Variants in RBMX observed in about 807,000 individuals in gnomAD.
RBMX encodes RNA binding motif protein X-linked, also known as RNA-binding motif protein, X chromosome.
In RBMX, 1 loss-of-function variant was observed where a neutral mutation model predicts 29.3. The ratio of observed to expected loss-of-function variants is 0.03; its 90% confidence interval spans 0.01 to 0.16. The LOEUF is 0.16. RBMX is among the 10% of genes least tolerant of loss of function. The pLI is 1.00. For synonymous variants in RBMX, 102 were observed against 102.3 expected, an observed-to-expected ratio of 1.00 and a Z score of 0.02; for missense variants, 121 against 333.2, an observed-to-expected ratio of 0.36 and a Z score of 4.96.
chrX:136,880,080 C>T (rs1268809593), intron 1 of RBMX, among the ~76,000 whole-genome samples: 1 of 112,375 alleles, frequency 8.9e-6, no homozygotes, highest in Non-Finnish European at 1.9e-5. Flanking sequence ...CACTCCGTGA[C>T]TGCAGCGGAA....
At chrX:136,878,788 C>T (rs1197463966) in intron 3 of RBMX, among the ~76,000 whole-genome samples, 2 of 106,558 alleles carry the variant, frequency 1.9e-5, no homozygotes, top group African/African-American at 3.4e-5. Context: ...CATAATTATT[C>T]TGAACTGAGA....
chrX:136,876,018 C>A (rs2077724150), intron 5 of RBMX, among the ~76,000 whole-genome samples: 1 of 110,272 alleles, frequency 9.1e-6, no homozygotes, highest in South Asian at 3.9e-4. Context: ...GCCAGACTGG[C>A]CTCGAACTCC....
downstream of RBMX, chrX:136,872,131 T>G (rs2077689055): frequency 2.0e-6 from 1 of 490,977 alleles, no homozygotes; most frequent in African/African-American, 2.4e-5. Flanking sequence ...ATTAAAGCAC[T>G]TAACTTCATC....
chrX:136,878,601 C>CG (rs1174020194), intron 3 of RBMX, among the ~76,000 whole-genome samples: 5 of 73,753 alleles, frequency 6.8e-5, no homozygotes, highest in Middle Eastern at 0.014. Context: ...CAAAGTTAGC[C>CG]GGGCGTGGTC....
Position 136,875,272 on chromosome X carries a change from T to C in RBMX, c.768A>G (p.Pro256=), listed in dbSNP as rs368183974. 1.7e-6 allele frequency: 2 copies of C among 1,211,756 alleles called. No individual in the cohort carries two copies. Among genetic ancestry groups the C allele is most frequent in the Admixed American group, 2.2e-5 (1 of 46,019 alleles). Reference sequence around the variant, plus strand: ...AAGTCACTTACCTATATCCTCTTGATGGATAGTCATCACGTGAACTGGAAT... The same window carrying C: ...AAGTCACTTACCTATATCCTCTTGACGGATAGTCATCACGTGAACTGGAAT... ...YGHSSSRDDY[P]SRGYSDRDGY... The change falls in exon 7 of 9, where the codon CCA becomes CCG. Residue 256 remains proline, a synonymous_variant. Transcript: ENST00000320676.
chrX:136,877,811 A>C (rs1268583256), intron 4 of RBMX, 104 bp downstream of exon 4: 48 of 805,567 alleles, frequency 6.0e-5, no homozygotes, highest in Non-Finnish European at 7.8e-5. Context: ...TGTCAATTTC[A>C]AAAGTTGGCA....
In RBMX at chrX:136,874,094, C is replaced by T. The variant is rs748347807; in HGVS notation, c.*48G>A. The T allele has an allele frequency of 1.7e-6, 2 of 1,160,973 alleles. No homozygotes were observed. The highest frequency in any genetic ancestry group is 3.0e-5 in the East Asian group (1 of 33,418). ...GGTAGTTATGATAGAATAGTTTCCA[C>T]TTTTTGTTTCTTTGAACTGGGATTT... On this transcript the variant is annotated 3_prime_UTR_variant, in exon 9 of 9. Coordinates refer to ENST00000320676, the MANE Select transcript of RBMX (RefSeq NM_002139.4).
chrX:136,872,512 C>T (rs1398549679), downstream of RBMX: 6 of 470,130 alleles, frequency 1.3e-5, no homozygotes, highest in African/African-American at 9.7e-5. Flanking sequence ...TTCACTGGCT[C>T]GGGATGGACT....
chrX:136,877,333 C>G (rs1227820159), intron 4 of RBMX, among the ~76,000 whole-genome samples: 2 of 80,062 alleles, frequency 2.5e-5, no homozygotes, highest in African/African-American at 4.4e-5. Context: ...ACTCTACCCC[C>G]CCCCCCCCAA....
intron 8 of RBMX, 93 bp from the exon 9 acceptor site, chrX:136,874,545 G>A: frequency 3.8e-6 from 4 of 1,052,005 alleles, no homozygotes; most frequent in Non-Finnish European, 5.1e-6. Flanking sequence ...TGTATTAAAA[G>A]TTTACTTTCT....
intron 2 of RBMX, 89 bp downstream of exon 2, chrX:136,879,230 A>G (rs761261605): frequency 1.1e-5 from 13 of 1,196,432 alleles, no homozygotes; most frequent in Non-Finnish European, 1.5e-5. Flanking sequence ...ACAAAAATAC[A>G]TTATCATGTC....
In RBMX at chrX:136,879,428, GTTT is replaced by G. The variant is rs755621649; in HGVS notation, c.-4_-2del. On this transcript the variant is annotated 5_prime_UTR_variant, in exon 2 of 9. Coordinates refer to ENST00000320676, the MANE Select transcript of RBMX (RefSeq NM_002139.4). ...TTCCTGGGCGATCTGCTTCAACCAT[GTTT>G]TTTTTTTTTTGGGCCGGTGAGTCTG... is the stretch of plus-strand genomic sequence containing the variant. 2.7e-6 allele frequency: 3 copies of G among 1,118,717 alleles called. No individual in the cohort carries two copies. The highest frequency in any genetic ancestry group is 3.6e-6 in the Non-Finnish European group (3 of 832,289). The allele number at this position is 1,118,717 out of a possible 1,213,427, so 92.2% of individuals were successfully genotyped here. A position where few individuals can be genotyped will look rare whatever the true frequency, so the allele number is the denominator to read the frequency against.
intron 4 of RBMX, among the ~76,000 whole-genome samples, chrX:136,877,330 C>CA (rs1556343959): frequency 1.7e-5 from 1 of 58,039 alleles, no homozygotes; most frequent in African/African-American, 7.6e-5. Flanking sequence ...TAAACTCTAC[C>CA]CCCCCCCCCC....
chrX:136,874,342 T>C lies in RBMX; in HGVS notation c.976A>G (p.Ser326Gly), dbSNP rs376413969. 1.6e-6 allele frequency: 2 copies of C among 1,212,900 alleles called. No homozygotes were observed. Among genetic ancestry groups the C allele is most frequent in the Non-Finnish European group, 2.2e-6 (2 of 895,664 alleles). ...SRDGYGGSRD[S>G]YSSSRSDLYS... ...AGATCACTTCGGCTGCTTGAGTAACTGTCTCGACTTCCACCATATCCGTCA... is the reference window on the plus strand; with the variant it reads ...AGATCACTTCGGCTGCTTGAGTAACCGTCTCGACTTCCACCATATCCGTCA... The change falls in exon 9 of 9, where the codon AGT becomes GGT. Residue 326 changes from serine to glycine, a missense_variant. Transcript: ENST00000320676.
At chrX:136,870,331 A>G (rs758246922), downstream of RBMX, 25 of 113,197 alleles carry the variant, frequency 2.2e-4, no homozygotes, top group Middle Eastern at 7.5e-4. Flanking sequence ...GGCAAAATCT[A>G]TTGCCTGCAC....
At chrX:136,878,972 T>C (rs2077769136) in intron 3 of RBMX, 45 bp downstream of exon 3, 1 of 1,194,286 alleles carries the variant, frequency 8.4e-7, no homozygotes, top group Non-Finnish European at 1.1e-6. Flanking sequence ...CATGTTATTT[T>C]ATGCACTAGT....
chrX:136,878,745 CAAA>C (rs749152530), intron 3 of RBMX, among the ~76,000 whole-genome samples: 6 of 37,105 alleles, frequency 1.6e-4, no homozygotes, highest in African/African-American at 3.6e-4. Context: ...GGGAGACTAT[CAAA>C]AAAAAAAAAA....
At chrX:136,878,812 A>T (rs182305337) in intron 3 of RBMX, among the ~76,000 whole-genome samples, 1 of 110,033 alleles carries the variant, frequency 9.1e-6, no homozygotes, top group Admixed American at 9.8e-5. Context: ...TGTTACGAGC[A>T]TAAGATATAA....
At position 136,873,589 on chromosome X, in the gene RBMX, C is replaced by A. The variant is rs1426299535; in HGVS notation, c.*553G>T. The A allele has an allele frequency of 1.3e-6, 1 of 753,440 alleles. No individual in the cohort carries two copies. Among genetic ancestry groups the A allele is most frequent in the African/African-American group, 2.3e-5 (1 of 43,456 alleles). The allele number at this position is 753,440 out of a possible 1,213,427, so 62.1% of individuals were successfully genotyped here. A position where few individuals can be genotyped will look rare whatever the true frequency, so the allele number is the denominator to read the frequency against. ...AGGAAATGTCAGAAAGGCAAAATGG[C>A]CAGCATTATCCATTTGCTTTTTTGG... On this transcript the variant is annotated 3_prime_UTR_variant, in exon 9 of 9. Coordinates refer to ENST00000320676, the MANE Select transcript of RBMX (RefSeq NM_002139.4).
Sources: gnomAD v4.1 joint callset for allele counts (sites outside exome capture counted in the v4.1 genomes callset) on GRCh38, gnomAD v4.1.1 for gene constraint, MANE v1.5 for transcripts, NCBI Gene and HGNC (gene_info 2026-07-23, HGNC 2026-07-21) for gene names.